Variants in CNTNAP5 observed in about 807,000 individuals in gnomAD.
CNTNAP5 encodes the protein contactin associated protein family member 5.
CNTNAP5 carries 72 observed loss-of-function variants against 150.2 expected under a neutral mutation model. The ratio of observed to expected loss-of-function variants is 0.48; its 90% CI spans 0.40 to 0.58. The LOEUF is 0.58. CNTNAP5 is among the 20% of genes least tolerant of loss of function. The probability of loss-of-function intolerance (pLI) is 0.00; values close to 1 mark genes in which losing one functional copy is unlikely to be tolerated. For synonymous variants in CNTNAP5, 672 were observed against 619.8 expected, an observed-to-expected ratio of 1.08 and a Z score of -1.25; for missense variants, 1,636 against 1,626.2, an observed-to-expected ratio of 1.01 and a Z score of -0.10.
At chr2:124,693,840 C>CAAAAAAAA (rs142663614) in intron 13 of CNTNAP5, among the ~76,000 whole-genome samples, 9 of 121,748 alleles carry the variant, frequency 7.4e-5, no homozygotes, top group African/African-American at 1.8e-4. Flanking sequence ...AAAAAAAAGG[C>CAAAAAAAA]AAAAAAAAAA....
intron 1 of CNTNAP5, among the ~76,000 whole-genome samples, chr2:124,160,071 T>C (rs1020442969): frequency 6.6e-6 from 1 of 152,124 alleles, no homozygotes; most frequent in East Asian, 1.9e-4. Flanking sequence ...AGAGAAATTA[T>C]AAGAAATCGA....
chr2:124,571,537 T>TCTC (rs1558959234), intron 11 of CNTNAP5, among the ~76,000 whole-genome samples: 58 of 102,226 alleles, frequency 5.7e-4, no homozygotes, highest in Middle Eastern at 4.5e-3. Context: ...CTTTTTTTTT[T>TCTC]TTTTTTTTTT....
At chr2:124,695,136 T>C (rs1424777039) in intron 13 of CNTNAP5, among the ~76,000 whole-genome samples, 1 of 152,138 alleles carries the variant, frequency 6.6e-6, no homozygotes, top group Non-Finnish European at 1.5e-5. Context: ...CATCAGGCCA[T>C]GATTTGTATA....
intron 1 of CNTNAP5, among the ~76,000 whole-genome samples, chr2:124,163,003 G>A (rs1684723424): frequency 6.6e-6 from 1 of 152,098 alleles, no homozygotes; most frequent in Admixed American, 6.6e-5. Context: ...GGGACCTCAA[G>A]TTTCTAGTGA....
At chr2:124,084,017 A>T (rs1682620927) in intron 1 of CNTNAP5, among the ~76,000 whole-genome samples, 1 of 146,758 alleles carries the variant, frequency 6.8e-6, no homozygotes, top group African/African-American at 2.5e-5. Context: ...TAATTCATGG[A>T]CACTGTGTAT....
intron 11 of CNTNAP5, among the ~76,000 whole-genome samples, chr2:124,601,098 TGA>T (rs899188995): frequency 1.2e-4 from 18 of 152,126 alleles, no homozygotes; most frequent in African/African-American, 4.3e-4. Context: ...CCTTCACCAC[TGA>T]GAGAGAAGAC....
chr2:124,500,645 C>G (rs1694256111), intron 7 of CNTNAP5, among the ~76,000 whole-genome samples: 1 of 152,130 alleles, frequency 6.6e-6, no homozygotes, highest in Non-Finnish European at 1.5e-5. Flanking sequence ...CAAGGGAGGA[C>G]TCAGAGGAGC....
intron 11 of CNTNAP5, among the ~76,000 whole-genome samples, chr2:124,605,809 C>CAA (rs36090348): frequency 0.018 from 606 of 34,212 alleles, 17 homozygotes; most frequent in Middle Eastern, 0.036. Flanking sequence ...AAGACTCTGT[C>CAA]AAAAAAAAAA....
rs1447179050 is a variant in CNTNAP5 at position 124,747,260 on chromosome 2, G to A, written c.2109G>A (p.Arg703=). The A allele has an allele frequency of 6.2e-7, 1 of 1,613,636 alleles. No homozygotes were observed. The highest frequency in any genetic ancestry group is 8.5e-7 in the Non-Finnish European group (1 of 1,179,738). ...DGTPFTWWIG[R]SNERHPYWGG... ...CACCATTTACCTGGTGGATTGGGCG[G>A]TCCAATGAAAGGCACCCTTACTGGG... The change falls in exon 14 of 24, where the codon CGG becomes CGA. Residue 703 remains arginine, a synonymous_variant. Transcript: ENST00000682447.
chr2:124,357,324 G>C (rs897547519), intron 3 of CNTNAP5, among the ~76,000 whole-genome samples: 1 of 152,146 alleles, frequency 6.6e-6, no homozygotes, highest in Non-Finnish European at 1.5e-5. Context: ...GATCCCATTT[G>C]TCAATTTTGT....
chr2:124,218,676 G>T (rs1435390562), intron 1 of CNTNAP5, among the ~76,000 whole-genome samples: 1 of 152,122 alleles, frequency 6.6e-6, no homozygotes, highest in East Asian at 1.9e-4. Context: ...CGGACAGTAG[G>T]GAATGGCAGT....
At chr2:124,321,829 AT>A (rs900505650) in intron 3 of CNTNAP5, among the ~76,000 whole-genome samples, 2 of 152,178 alleles carry the variant, frequency 1.3e-5, no homozygotes, top group Non-Finnish European at 2.9e-5. Flanking sequence ...GAGGATTCTA[AT>A]TTTAAGGCTC....
chr2:124,423,637 C>A (rs1217314692), intron 4 of CNTNAP5, among the ~76,000 whole-genome samples: 7 of 142,774 alleles, frequency 4.9e-5, no homozygotes, highest in Non-Finnish European at 1.1e-4. Flanking sequence ...TGAGCCACTG[C>A]GCCCGGCTAA....
intron 13 of CNTNAP5, among the ~76,000 whole-genome samples, chr2:124,689,828 A>T (rs1405304662): frequency 6.6e-6 from 1 of 152,042 alleles, no homozygotes; most frequent in Admixed American, 6.6e-5. Context: ...CTTCTGTAAG[A>T]AGTAAAATTA....
intron 1 of CNTNAP5, among the ~76,000 whole-genome samples, chr2:124,045,829 C>T (rs1398754511): frequency 6.6e-6 from 1 of 152,144 alleles, no homozygotes; most frequent in Non-Finnish European, 1.5e-5. Flanking sequence ...TCCCCCTTGG[C>T]AGGCCTCTCA....
intron 3 of CNTNAP5, among the ~76,000 whole-genome samples, chr2:124,307,123 A>G (rs1217734466): frequency 6.6e-6 from 1 of 152,236 alleles, no homozygotes; most frequent in East Asian, 1.9e-4. Flanking sequence ...TTGAATAACA[A>G]ACATTTGCCT....
At chr2:124,511,647 C>T (rs897188428) in intron 8 of CNTNAP5, among the ~76,000 whole-genome samples, 31 of 152,186 alleles carry the variant, frequency 2.0e-4, no homozygotes, top group Non-Finnish European at 8.8e-5. Context: ...CAACCCACCC[C>T]TTATTATCTT....
At chr2:124,610,345 T>C (rs1426696843) in intron 12 of CNTNAP5, among the ~76,000 whole-genome samples, 3 of 152,160 alleles carry the variant, frequency 2.0e-5, no homozygotes, top group African/African-American at 7.2e-5. Context: ...AGGTGAATAC[T>C]ATAGTTTCTC....
chr2:124,494,352 T>C (rs987677041), intron 7 of CNTNAP5, among the ~76,000 whole-genome samples: 2 of 152,000 alleles, frequency 1.3e-5, no homozygotes, highest in Admixed American at 6.6e-5. Flanking sequence ...GGAGTTGTTG[T>C]TCAAGGACAG....
Sources: gnomAD v4.1 joint callset for allele counts (sites outside exome capture counted in the v4.1 genomes callset) on GRCh38, gnomAD v4.1.1 for gene constraint, MANE v1.5 for transcripts, NCBI Gene and HGNC (gene_info 2026-07-23, HGNC 2026-07-21) for gene names.